The following GATA6 variants were observed in gnomAD, a reference collection of about 807,000 sequenced individuals.
The protein encoded by GATA6 is GATA binding protein 6, also known as transcription factor GATA-6.
Under a neutral mutation model 48.1 loss-of-function variants are expected in GATA6, and 11 were observed. The observed-to-expected ratio is 0.23, with a 90% confidence interval of 0.14 to 0.38. The LOEUF is 0.38. Ranked by LOEUF, GATA6 falls within the 10% of genes least tolerant of loss-of-function variation. GATA6 has a pLI of 1.00. For missense variants in GATA6, 795 were observed against 850.3 expected (o/e 0.93, Z 0.81); for synonymous variants, 419 against 396.1 (o/e 1.06, Z -0.69).
chr18:22,174,084 A>G (rs2033091178), intron 2 of GATA6, among the ~76,000 whole-genome samples: 1 of 152,098 alleles, frequency 6.6e-6, no homozygotes, highest in South Asian at 2.1e-4. Flanking sequence ...CTGCATAGGG[A>G]CCCGTGTTTG....
intron 3 of GATA6, 21 bp downstream of exon 3, chr18:22,177,142 C>T (rs1187553645): frequency 6.5e-7 from 1 of 1,537,988 alleles, no homozygotes; most frequent in Non-Finnish European, 8.8e-7. Flanking sequence ...CCCGCCCTGC[C>T]CCTGGCTCGC....
chr18:22,191,032 C>CGTGTGTGTGT (rs57925913), intron 6 of GATA6, among the ~76,000 whole-genome samples: 6 of 121,164 alleles, frequency 5.0e-5, no homozygotes, highest in Non-Finnish European at 8.4e-5. Context: ...TTTTAAATCT[C>CGTGTGTGTGT]GTGTGTGTGT....
rs938346416 is a variant in GATA6, at chr18:22,201,915, G to C, written c.*1092G>C. ...TTACATTAATTTTTTTTTTTGAATG[G>C]GATGTCCTATGGAAACCTATTTCAC... On this transcript the variant is annotated 3_prime_UTR_variant, in exon 7 of 7. Transcript: ENST00000269216. 3.9e-5 allele frequency: 6 copies of C among 152,192 alleles called. No homozygotes were observed. Among genetic ancestry groups the C allele is most frequent in the African/African-American group, 1.4e-4 (6 of 41,430 alleles). 9.4% of individuals were successfully genotyped at this position (152,192 alleles called of 1,614,324 possible). A position where few individuals can be genotyped will look rare whatever the true frequency, so the allele number is the denominator to read the frequency against.
chr18:22,198,198 T>A (rs921126769), intron 6 of GATA6, among the ~76,000 whole-genome samples: 1 of 151,984 alleles, frequency 6.6e-6, no homozygotes, highest in African/African-American at 2.4e-5. Context: ...AATCCTTCCA[T>A]CTCGGCTCCC....
In GATA6 at chr18:22,177,135, GCCCTGC is replaced by G. The variant is rs1194550787; in HGVS notation, c.1302+20_1302+25del. ...CAGAAGCGCGTGGTGAGTGTGACCCGCCCTGCCCCTGGCTCGCGGCCGGCCCCGGGC... is the reference window on the plus strand; with the variant it reads ...CAGAAGCGCGTGGTGAGTGTGACCCGCCCTGGCTCGCGGCCGGCCCCGGGC... On this transcript the variant is annotated intron_variant, in intron 3 of 6. Transcript: ENST00000269216. 6.5e-7 allele frequency: 1 copy of G among 1,541,146 alleles called. No homozygotes were observed. The highest frequency in any genetic ancestry group is 8.7e-7 in the Non-Finnish European group (1 of 1,144,074).
At chr18:22,169,985 A>T (rs2033009049) in intron 1 of GATA6, among the ~76,000 whole-genome samples, 1 of 152,192 alleles carries the variant, frequency 6.6e-6, no homozygotes, top group African/African-American at 2.4e-5. Context: ...CTTTCTTGCT[A>T]TCTAGCCAGG....
Position 22,200,657 on chromosome 18 carries a change from C to A in GATA6, c.1622C>A (p.Ala541Glu). 6.2e-7 allele frequency: 1 copy of A among 1,614,244 alleles called. No homozygotes were observed. ...SPTTQPTASG[A>E]GAPVMTGAGE... is the part of the protein sequence containing the mutation. ...CTCTGTGTCCCCCTCTTCTGCCAGGCGGGTGCCCCGGTGATGACTGGTGCG... is the reference window on the plus strand; with the variant it reads ...CTCTGTGTCCCCCTCTTCTGCCAGGAGGGTGCCCCGGTGATGACTGGTGCG... The change falls in exon 7 of 7, where the codon GCG (alanine) becomes GAG (glutamate). Residue 541 changes from alanine to glutamate, a missense_variant and splice_region_variant. By Grantham distance (107) the Ala-to-Glu change is moderately radical (BLOSUM62 -1). Transcript: ENST00000269216.
chr18:22,198,259 C>T (rs1320657099), intron 6 of GATA6, among the ~76,000 whole-genome samples: 6 of 151,954 alleles, frequency 3.9e-5, no homozygotes, highest in Non-Finnish European at 5.9e-5. Context: ...TTTGTAGAGA[C>T]GGGGTCTCCC....
intron 3 of GATA6, 36 bp downstream of exon 3, chr18:22,177,157 G>T (rs763911344): frequency 1.2e-5 from 19 of 1,526,044 alleles, no homozygotes; most frequent in Admixed American, 1.2e-4. Context: ...GCTCGCGGCC[G>T]GCCCCGGGCT....
intron 3 of GATA6, among the ~76,000 whole-genome samples, chr18:22,180,861 A>G (rs1341825999): frequency 6.6e-6 from 1 of 151,908 alleles, no homozygotes; most frequent in East Asian, 1.9e-4. Context: ...CATTTAGCAC[A>G]TTAGCAAGTG....
At chr18:22,197,953 T>C (rs2033411717) in intron 6 of GATA6, among the ~76,000 whole-genome samples, 1 of 152,118 alleles carries the variant, frequency 6.6e-6, no homozygotes, top group Admixed American at 6.6e-5. Context: ...TGTGTATGGA[T>C]CCTGGCTCCC....
chr18:22,170,690 C>G lies in GATA6; in HGVS notation c.-37-418C>G, dbSNP rs938767633. Among the ~76,000 whole-genome samples the G allele has an allele frequency of 7.2e-5, 11 of 152,170 alleles. No individual in the cohort carries two copies. Among genetic ancestry groups the G allele is most frequent in the Admixed American group, 3.3e-4 (5 of 15,282 alleles). On this transcript the variant is annotated intron_variant, in intron 1 of 6. Transcript: ENST00000269216. The surrounding 1 kb of genome is among the most constrained non-coding windows in gnomAD (Gnocchi z 6.7). ...GAGGCGGGATGCGGCGGTGCCGACACGCACAGCTACTTAAATTCTTTTGTG... is the reference window on the plus strand; with the variant it reads ...GAGGCGGGATGCGGCGGTGCCGACAGGCACAGCTACTTAAATTCTTTTGTG...
At chr18:22,182,735 G>A in intron 4 of GATA6, 22 bp from the exon 5 acceptor site, 2 of 1,523,288 alleles carry the variant, frequency 1.3e-6, no homozygotes, top group Non-Finnish European at 1.8e-6. Context: ...TTAAATTTAT[G>A]GCCTATGTGA....
intron 6 of GATA6, among the ~76,000 whole-genome samples, chr18:22,194,312 C>G (rs1283155407): frequency 1.3e-5 from 2 of 152,206 alleles, no homozygotes; most frequent in African/African-American, 4.8e-5. Context: ...GGAAGTGCCT[C>G]CATTTTCAGT....
chr18:22,171,992 C>G lies in GATA6; in HGVS notation c.848C>G (p.Ala283Gly). The part of the protein sequence containing the change: ...NGAAREPGGY[A>G]AAGSGGAGGV... The stretch of plus-strand genomic sequence containing the variant: ...GCCGCGCGGGAGCCGGGAGGCTACG[C>G]GGCGGCGGGCAGTGGGGGCGCGGGA... Residue 283 changes from alanine (A) to glycine (G), a missense_variant, in exon 2 of 7, where the codon GCG (alanine) becomes GGG (glycine). This residue lies in a region of GATA6 where 591 missense variants were observed against 570.0 expected (regional missense o/e 1.04). Coordinates refer to ENST00000269216, the MANE Select transcript of GATA6 (RefSeq NM_005257.6). The surrounding 1 kb of genome is among the most constrained non-coding windows in gnomAD (Gnocchi z 7.1). 1 of 1,226,438 alleles carries G rather than the reference C, an allele frequency of 8.2e-7. No homozygotes were observed. The highest frequency in any genetic ancestry group is 1.0e-6 in the Non-Finnish European group (1 of 985,730). 76.0% of individuals were successfully genotyped at this position (1,226,438 alleles called of 1,614,324 possible). A position where few individuals can be genotyped will look rare whatever the true frequency, so the allele number is the denominator to read the frequency against.
At chr18:22,181,909 T>A (rs2033201060) in intron 4 of GATA6, among the ~76,000 whole-genome samples, 2 of 152,172 alleles carry the variant, frequency 1.3e-5, no homozygotes, top group Non-Finnish European at 2.9e-5. Context: ...ATTGGTAATA[T>A]GGTAGTAACT....
intron 3 of GATA6, among the ~76,000 whole-genome samples, chr18:22,178,628 G>A (rs892029100): frequency 6.6e-6 from 1 of 152,152 alleles, no homozygotes; most frequent in Non-Finnish European, 1.5e-5. Flanking sequence ...TTTATGGTTG[G>A]TTTTGTTTTA....
intron 2 of GATA6, chr18:22,176,595 T>G: frequency 4.8e-6 from 1 of 206,570 alleles, no homozygotes; most frequent in Non-Finnish European, 9.8e-6. Context: ...ACTGTAATGA[T>G]GATGGATTTC....
Position 22,201,085 on chromosome 18 carries a change from G to A in GATA6, c.*262G>A, listed in dbSNP as rs1471555708. The A allele has an allele frequency of 3.6e-6, 2 of 558,894 alleles. No individual in the cohort carries two copies. The highest frequency in any genetic ancestry group is 3.1e-5 in the Admixed American group (1 of 32,284). 34.6% of individuals were successfully genotyped at this position (558,894 alleles called of 1,614,324 possible). ...ACCCTGCTCCACTTCCAGAAGCCAG[G>A]ACTAGGACCTGGGCCTTGCCTGCTA... On this transcript the variant is annotated 3_prime_UTR_variant, in exon 7 of 7. Coordinates refer to ENST00000269216, the MANE Select transcript of GATA6 (RefSeq NM_005257.6).
Sources: allele counts gnomAD v4.1 joint callset (sites outside exome capture counted in the v4.1 genomes callset), GRCh38; gene constraint gnomAD v4.1.1; regional missense constraint gnomAD v4.1.1; non-coding constraint Gnocchi (gnomAD v3.1); transcripts MANE v1.5; gene names NCBI Gene and HGNC (gene_info 2026-07-23, HGNC 2026-07-21).